Variants in SHROOM2 observed in about 807,000 individuals in gnomAD.
The protein encoded by SHROOM2 is protein Shroom2.
SHROOM2 carries 33 observed loss-of-function variants against 75.9 expected under a neutral mutation model. That is an observed-to-expected ratio of 0.43 (90% confidence interval 0.33 to 0.58). SHROOM2 has a LOEUF of 0.58. Ranked by LOEUF, SHROOM2 falls within the 20% of genes least tolerant of loss-of-function variation. SHROOM2 has a pLI of 0.04. For synonymous variants in SHROOM2, 655 were observed against 663.6 expected, an observed-to-expected ratio of 0.99 and a Z score of 0.20; for missense variants, 1,434 against 1,461.2, an observed-to-expected ratio of 0.98 and a Z score of 0.30.
chrX:9,909,058 C>T (rs929914637), intron 5 of SHROOM2, among the ~76,000 whole-genome samples: 21 of 111,671 alleles, frequency 1.9e-4, no homozygotes, highest in African/African-American at 6.8e-4. Flanking sequence ...ATAAAAGGAA[C>T]CAGGGCTCCT....
intron 1 of SHROOM2, among the ~76,000 whole-genome samples, chrX:9,833,608 CTGTGTGTGTGTGTGTGTG>C (rs144161839): frequency 1.0e-5 from 1 of 95,358 alleles, no homozygotes; most frequent in Non-Finnish European, 2.0e-5. Context: ...CAAGTAGACT[CTGTGTGTGTGTGTGTGTG>C]TGTGTGTGTG....
chrX:9,855,321 A>AAAAAAAC (rs57702482), intron 1 of SHROOM2, among the ~76,000 whole-genome samples: 3 of 105,475 alleles, frequency 2.8e-5, no homozygotes, highest in African/African-American at 1.0e-4. Flanking sequence ...AAAAAAAAAA[A>AAAAAAAC]GGCATCCTAT....
chrX:9,887,134 G>A (rs1391996767), intron 2 of SHROOM2, among the ~76,000 whole-genome samples: 1 of 112,172 alleles, frequency 8.9e-6, no homozygotes, highest in Non-Finnish European at 1.9e-5. Flanking sequence ...GTGGAAGGTT[G>A]AGATGTATTT....
intron 1 of SHROOM2, among the ~76,000 whole-genome samples, chrX:9,847,347 A>G (rs773344911): frequency 8.9e-6 from 1 of 112,566 alleles, no homozygotes; most frequent in Non-Finnish European, 1.9e-5. Context: ...AGTCTTTTGC[A>G]ATGACTAACC....
chrX:9,821,673 G>T (rs1411267782), intron 1 of SHROOM2, among the ~76,000 whole-genome samples: 1 of 112,351 alleles, frequency 8.9e-6, no homozygotes, highest in Non-Finnish European at 1.9e-5. Flanking sequence ...GTGAAAACGG[G>T]TTGAGAAATA....
intron 1 of SHROOM2, among the ~76,000 whole-genome samples, chrX:9,815,755 G>T (rs1175687032): frequency 9.1e-6 from 1 of 110,318 alleles, no homozygotes; most frequent in African/African-American, 3.3e-5. Context: ...CAGCATGGGA[G>T]AAAGATGTAG....
intron 5 of SHROOM2, among the ~76,000 whole-genome samples, chrX:9,906,448 T>C (rs1403239851): frequency 8.9e-6 from 1 of 111,781 alleles, no homozygotes; most frequent in Admixed American, 9.5e-5. Context: ...TCTCAGTCTT[T>C]AAAAAAAAAT....
chrX:9,797,916 C>T (rs1185140188), intron 1 of SHROOM2, among the ~76,000 whole-genome samples: 2 of 112,059 alleles, frequency 1.8e-5, no homozygotes, highest in East Asian at 5.6e-4. Flanking sequence ...CAAATGTTGC[C>T]TGGGAGGGCT....
intron 1 of SHROOM2, among the ~76,000 whole-genome samples, chrX:9,827,799 G>A (rs961653201): frequency 3.6e-5 from 4 of 110,642 alleles, no homozygotes; most frequent in Non-Finnish European, 7.6e-5. Context: ...TCCGCTGAGA[G>A]AATAGGGTCC....
At chrX:9,873,868 G>C (rs1256092710) in intron 2 of SHROOM2, 65 bp downstream of exon 2, 9 of 1,116,104 alleles carry the variant, frequency 8.1e-6, no homozygotes, top group Non-Finnish European at 9.8e-6. Flanking sequence ...ATCAAAGTGG[G>C]AAGCCAGTTG....
intron 1 of SHROOM2, among the ~76,000 whole-genome samples, chrX:9,791,835 A>C (rs1448910146): frequency 9.1e-6 from 1 of 109,898 alleles, no homozygotes; most frequent in East Asian, 2.9e-4. Context: ...TCTACTAAAA[A>C]TACAAAAAAA....
Position 9,914,678 on chromosome X carries a change from T to C in SHROOM2, c.2891+16388T>C, listed in dbSNP as rs1239203555. ...ACACCTTATTTAAAATTCCTGAAAG[T>C]TCACAGTGCCTCTTCATATGTATAC... On this transcript the variant is annotated intron_variant, in intron 5 of 9. Coordinates refer to ENST00000380913, the MANE Select transcript of SHROOM2 (RefSeq NM_001649.4). 8.0e-5 allele frequency among the ~76,000 whole-genome samples: 9 copies of C among 111,925 alleles called. 1 individual carries two copies. In the Admixed American group the frequency reaches 8.6e-4, roughly 11 times the overall value.
intron 1 of SHROOM2, among the ~76,000 whole-genome samples, chrX:9,813,845 T>C (rs761534945): frequency 1.8e-5 from 2 of 112,193 alleles, no homozygotes; most frequent in Non-Finnish European, 3.8e-5. Flanking sequence ...TTGCCTCTGC[T>C]GTCCATTATG....
In SHROOM2 at chrX:9,891,906, C is replaced by T. The variant is rs774314273; in HGVS notation, c.449+798C>T. Among the ~76,000 whole-genome samples, 18 of 108,555 alleles carry T rather than the reference C, an allele frequency of 1.7e-4. 1 individual carries two copies. The highest frequency in any genetic ancestry group is 9.9e-4 in the Admixed American group (10 of 10,123). 94.3% of individuals were successfully genotyped at this position (108,555 alleles called of 115,157 possible). A position where few individuals can be genotyped will look rare whatever the true frequency, so the allele number is the denominator to read the frequency against. The stretch of plus-strand genomic sequence containing the variant: ...GTGTGTGTGTGTGCGCGTGCGTGCA[C>T]ACGCAGGTATGTGTCTGTGTTTGGA... On this transcript the variant is annotated intron_variant, in intron 3 of 9. Coordinates refer to ENST00000380913, the MANE Select transcript of SHROOM2 (RefSeq NM_001649.4).
At chrX:9,817,429 A>C (rs1488736244) in intron 1 of SHROOM2, among the ~76,000 whole-genome samples, 4 of 111,430 alleles carry the variant, frequency 3.6e-5, no homozygotes, top group Non-Finnish European at 7.5e-5. Context: ...TTTTAATTGT[A>C]CCCCAAAGCA....
chrX:9,814,653 G>A (rs1173609643), intron 1 of SHROOM2, among the ~76,000 whole-genome samples: 1 of 111,335 alleles, frequency 9.0e-6, no homozygotes, highest in Non-Finnish European at 1.9e-5. Context: ...AGACAAAGGT[G>A]GAAAGGCTGA....
At chrX:9,791,609 C>G in intron 1 of SHROOM2, among the ~76,000 whole-genome samples, 1 of 112,201 alleles carries the variant, frequency 8.9e-6, no homozygotes, top group Middle Eastern at 4.2e-3. Context: ...TGCAAGCCCT[C>G]TTCCTACACA....
At chrX:9,904,074 G>A (rs1215813033) in intron 5 of SHROOM2, among the ~76,000 whole-genome samples, 1 of 111,321 alleles carries the variant, frequency 9.0e-6, no homozygotes, top group Non-Finnish European at 1.9e-5. Flanking sequence ...CAAAGCCCTC[G>A]TGTGGAGGGA....
chrX:9,928,853 G>A (rs1003826), intron 5 of SHROOM2, among the ~76,000 whole-genome samples: 15,374 of 111,387 alleles, frequency 0.14, 2,382 homozygotes, highest in African/African-American at 0.45. Flanking sequence ...CACATACAAC[G>A]TACATCTATG....
Sources: gnomAD v4.1 joint callset for allele counts (sites outside exome capture counted in the v4.1 genomes callset) on GRCh38, gnomAD v4.1.1 for gene constraint, MANE v1.5 for transcripts, NCBI Gene and HGNC (gene_info 2026-07-23, HGNC 2026-07-21) for gene names.